Variants in SLCO2B1 observed in about 807,000 individuals in gnomAD.
The protein encoded by SLCO2B1 is OATP-RP2.
A neutral mutation model predicts 67.3 loss-of-function variants in SLCO2B1; 41 were observed. The ratio of observed to expected loss-of-function variants is 0.61; its 90% confidence interval spans 0.47 to 0.79. SLCO2B1 has a LOEUF of 0.79. SLCO2B1 is among the 30% of genes least tolerant of loss of function. The pLI, the probability that SLCO2B1 is intolerant of heterozygous loss-of-function variation, is 0.00. For synonymous variants in SLCO2B1, 379 were observed against 381.4 expected, an observed-to-expected ratio of 0.99 and a Z score of 0.07; for missense variants, 837 against 920.1, an observed-to-expected ratio of 0.91 and a Z score of 1.17.
In SLCO2B1 at chr11:75,193,546, C is replaced by T. The variant is rs1419298412; in HGVS notation, c.1404C>T (p.His468=). The T allele has an allele frequency of 6.4e-7, 1 of 1,567,596 alleles. No individual in the cohort carries two copies. The highest frequency in any genetic ancestry group is 1.8e-5 in the Admixed American group (1 of 56,652). Residue 468 remains histidine (H), a synonymous_variant, in exon 9 of 14, where the codon CAC becomes CAT. Transcript: ENST00000289575. The surrounding 1 kb of genome is among the most constrained non-coding windows in gnomAD (Gnocchi z 4.2). ...TCTTCTTTATCGGCTGCTCCAGCCACCAGATTGCGGGCATCACACACCAGA... is the reference window on the plus strand; with the variant it reads ...TCTTCTTTATCGGCTGCTCCAGCCATCAGATTGCGGGCATCACACACCAGA... The part of the protein sequence containing the change: ...LPLFFIGCSS[H]QIAGITHQTS...
At chr11:75,196,190 G>T (rs1464165797) in intron 9 of SLCO2B1, 5 of 241,410 alleles carry the variant, frequency 2.1e-5, no homozygotes, top group Non-Finnish European at 4.0e-5. Context: ...AAAGGAAGCT[G>T]ATTGAGGGAA....
chr11:75,195,492 C>T (rs1409020314), intron 9 of SLCO2B1, among the ~76,000 whole-genome samples: 3 of 152,120 alleles, frequency 2.0e-5, no homozygotes, highest in Non-Finnish European at 4.4e-5. Context: ...TGCCCCCTCA[C>T]CCCAGGGAGG....
chr11:75,197,138 C>A (rs1307713485), intron 10 of SLCO2B1, among the ~76,000 whole-genome samples: 1 of 152,170 alleles, frequency 6.6e-6, no homozygotes, highest in Non-Finnish European at 1.5e-5. Flanking sequence ...ATAAAGCTTT[C>A]ATTGCCAGCC....
At chr11:75,203,939 G>A (rs756323872) in intron 13 of SLCO2B1, 2 of 165,338 alleles carry the variant, frequency 1.2e-5, no homozygotes, top group Non-Finnish European at 1.3e-5. Context: ...TTGCTAGCAG[G>A]GCTGGGGACA....
chr11:75,182,605 G>C (rs1341002778), intron 7 of SLCO2B1, among the ~76,000 whole-genome samples: 1 of 152,110 alleles, frequency 6.6e-6, no homozygotes, highest in Non-Finnish European at 1.5e-5. Flanking sequence ...AGCCAGGTGT[G>C]GTGGCGTGTG....
chr11:75,191,943 G>A (rs1198210177), intron 8 of SLCO2B1, among the ~76,000 whole-genome samples: 2 of 152,220 alleles, frequency 1.3e-5, no homozygotes, highest in South Asian at 4.1e-4. Context: ...CAGACTTGCA[G>A]TGGGGGCAAC....
At chr11:75,178,161 G>C (rs1271818070) in intron 7 of SLCO2B1, among the ~76,000 whole-genome samples, 4 of 152,064 alleles carry the variant, frequency 2.6e-5, no homozygotes, top group Non-Finnish European at 4.4e-5. Context: ...CATTCTCAGG[G>C]TATGCTTAAG....
intron 7 of SLCO2B1, among the ~76,000 whole-genome samples, chr11:75,184,220 A>G (rs1052717926): frequency 5.3e-5 from 8 of 152,248 alleles, no homozygotes; most frequent in African/African-American, 1.9e-4. Context: ...ATTGATATTT[A>G]CTAGATAACC....
At position 75,188,147 on chromosome 11, in the gene SLCO2B1, T is replaced by A. The variant is rs1944965772; in HGVS notation, c.984T>A (p.Ser328=). 6.2e-7 allele frequency: 1 copy of A among 1,612,980 alleles called. No individual in the cohort carries two copies. Among genetic ancestry groups the A allele is most frequent in the Non-Finnish European group, 8.5e-7 (1 of 1,179,352 alleles). ...TDSPARKGKD[S]PSKQSPGEST... ...TGTGTCTCCTTCAGGGCAAGGACTCTCCCTCTAAGCAGAGCCCTGGGGAGT... is the reference window on the plus strand; with the variant it reads ...TGTGTCTCCTTCAGGGCAAGGACTCACCCTCTAAGCAGAGCCCTGGGGAGT... The change falls in exon 8 of 14, where the codon TCT becomes TCA. Residue 328 remains serine (S), a synonymous_variant. Transcript: ENST00000289575.
At chr11:75,171,910 T>C (rs918512087) in intron 6 of SLCO2B1, among the ~76,000 whole-genome samples, 8 of 152,054 alleles carry the variant, frequency 5.3e-5, no homozygotes, top group African/African-American at 1.5e-4. Context: ...ATAATCACAA[T>C]AGTAATGAGA....
At chr11:75,156,600 G>C (rs116802260) in intron 1 of SLCO2B1, among the ~76,000 whole-genome samples, 7,283 of 152,160 alleles carry the variant, frequency 0.048, 235 homozygotes, top group African/African-American at 0.088. Flanking sequence ...AAGGGGTCTG[G>C]ATCCAGACCC....
chr11:75,192,306 A>G (rs1430724801), intron 8 of SLCO2B1, among the ~76,000 whole-genome samples: 2 of 152,098 alleles, frequency 1.3e-5, no homozygotes, highest in East Asian at 3.9e-4. Flanking sequence ...GGCTCTGGAG[A>G]TTTAGTAATT....
rs1457855570 is a variant in SLCO2B1, at chr11:75,203,111, TC to T, written c.1828+148del. The T allele has an allele frequency of 4.4e-6, 5 of 1,139,248 alleles. No individual in the cohort carries two copies. In the African/African-American group the frequency reaches 4.6e-5, roughly 10 times the overall value. 70.6% of individuals were successfully genotyped at this position (1,139,248 alleles called of 1,614,324 possible). ...TGGGGTGACAGACCTGGCCCAGCTC[TC>T]CTAGAGCGGGGTATAGAGGCAGAGT... On this transcript the variant is annotated intron_variant, in intron 12 of 13. Transcript: ENST00000289575.
At chr11:75,188,781 A>G (rs1944976430) in intron 8 of SLCO2B1, among the ~76,000 whole-genome samples, 1 of 152,012 alleles carries the variant, frequency 6.6e-6, no homozygotes, top group African/African-American at 2.4e-5. Flanking sequence ...TACTTTCCCC[A>G]CATGTCCAGC....
In SLCO2B1 at chr11:75,188,249, TC is replaced by T; in HGVS notation, c.1075+12del. On this transcript the variant is annotated intron_variant, in intron 8 of 13. Coordinates refer to ENST00000289575, the MANE Select transcript of SLCO2B1 (RefSeq NM_007256.5). ...TCCAGTTCATTAAAGGTAAGTCAGC[TC>T]AGACCAGGTTATGGGGAGCCAGGGC... 1.3e-6 allele frequency: 2 copies of T among 1,594,200 alleles called. No homozygotes were observed. Among genetic ancestry groups the T allele is most frequent in the Middle Eastern group, 1.7e-4 (1 of 6,030 alleles).
intron 7 of SLCO2B1, among the ~76,000 whole-genome samples, chr11:75,185,497 G>GTC (rs201157934): frequency 0.023 from 2,697 of 119,730 alleles, 67 homozygotes; most frequent in African/African-American, 0.045. Flanking sequence ...TTGGGTATAA[G>GTC]TCTCTTTTTT....
Position 75,151,355 on chromosome 11 carries a change from G to A in SLCO2B1, c.-27G>A, listed in dbSNP as rs1167298963. 1 of 1,610,976 alleles carries A rather than the reference G, an allele frequency of 6.2e-7. No individual in the cohort carries two copies. The highest frequency in any genetic ancestry group is 2.2e-5 in the East Asian group (1 of 44,850). ...TCCAGGTCCTGAGATTAAATTAGGGGCTGGAGCTCACTGCACTCCAGCAGT... is the reference window on the plus strand; with the variant it reads ...TCCAGGTCCTGAGATTAAATTAGGGACTGGAGCTCACTGCACTCCAGCAGT... On this transcript the variant is annotated 5_prime_UTR_variant, in exon 1 of 14. Coordinates refer to ENST00000289575, the MANE Select transcript of SLCO2B1 (RefSeq NM_007256.5).
chr11:75,203,254 G>C (rs1945212431), intron 12 of SLCO2B1, 53 bp from the exon 13 acceptor site: 5 of 1,596,568 alleles, frequency 3.1e-6, no homozygotes, highest in African/African-American at 1.3e-5. Flanking sequence ...GCCAGGGAGG[G>C]GGCAGGGTAG....
At position 75,169,751 on chromosome 11, in the gene SLCO2B1, C is replaced by T; in HGVS notation, c.768C>T (p.Asn256=). 1.2e-6 allele frequency: 2 copies of T among 1,613,920 alleles called. No individual in the cohort carries two copies. Among genetic ancestry groups the T allele is most frequent in the Non-Finnish European group, 8.5e-7 (1 of 1,179,792 alleles). The change falls in exon 6 of 14, where the codon AAC becomes AAT. Residue 256 remains asparagine, a synonymous_variant. Transcript: ENST00000289575. ...TGCTGCGCCTTTATGTGGACATTAA[C>T]CAGATGCCAGAAGGTGAGCCTCAGG... ...SLMLRLYVDI[N]QMPEGGISLT...
Sources: allele counts gnomAD v4.1 joint callset (sites outside exome capture counted in the v4.1 genomes callset), GRCh38; gene constraint gnomAD v4.1.1; non-coding constraint Gnocchi (gnomAD v3.1); transcripts MANE v1.5; gene names NCBI Gene and HGNC (gene_info 2026-07-23, HGNC 2026-07-21).